Variants in BNC2 observed in about 807,000 individuals in gnomAD.
BNC2 encodes basonuclin zinc finger protein 2.
Under a neutral mutation model 76.3 loss-of-function variants are expected in BNC2, and 20 were observed. That is an observed-to-expected ratio of 0.26 (90% CI 0.18 to 0.38). The LOEUF (loss-of-function observed/expected upper bound fraction) is 0.38, where lower values mean the gene tolerates loss of function less well. Among genes scored for constraint, BNC2 ranks in the 10% least tolerant of loss-of-function variants. The pLI is 1.00. For synonymous variants in BNC2, 582 were observed against 514.8 expected, an observed-to-expected ratio of 1.13 and a Z score of -1.77; for missense variants, 1,382 against 1,399.8, an observed-to-expected ratio of 0.99 and a Z score of 0.20.
intron 1 of BNC2, among the ~76,000 whole-genome samples, chr9:16,795,863 G>T (rs970287540): frequency 6.6e-6 from 1 of 152,186 alleles, no homozygotes; most frequent in Non-Finnish European, 1.5e-5. Flanking sequence ...GAATGCCAGG[G>T]AAAGAGGATG....
At chr9:16,439,663 G>A (rs968464159) in intron 5 of BNC2, among the ~76,000 whole-genome samples, 1 of 152,134 alleles carries the variant, frequency 6.6e-6, no homozygotes, top group Non-Finnish European at 1.5e-5. Flanking sequence ...ACTGCCCTAT[G>A]GTCTGAATCA....
intron 1 of BNC2, among the ~76,000 whole-genome samples, chr9:16,841,072 A>AT (rs1818813861): frequency 6.6e-6 from 1 of 152,198 alleles, no homozygotes; most frequent in Admixed American, 6.5e-5. Flanking sequence ...AAATGACCTC[A>AT]TGGGCAATGT....
At chr9:16,530,055 T>C (rs559224497) in intron 5 of BNC2, among the ~76,000 whole-genome samples, 25 of 152,120 alleles carry the variant, frequency 1.6e-4, no homozygotes, top group Non-Finnish European at 3.4e-4. Context: ...ACTTTCATCA[T>C]GTTGGCCAGT....
chr9:16,556,638 C>T (rs1331956368), intron 4 of BNC2, among the ~76,000 whole-genome samples: 1 of 143,766 alleles, frequency 7.0e-6, no homozygotes, highest in African/African-American at 2.9e-5. Flanking sequence ...CATGATGGTG[C>T]GCGCCTGTAG....
At chr9:16,714,580 T>A (rs1429540786) in intron 3 of BNC2, among the ~76,000 whole-genome samples, 1 of 152,228 alleles carries the variant, frequency 6.6e-6, no homozygotes, top group East Asian at 1.9e-4. Context: ...TCCAGTTGAG[T>A]TCTTCTCTGA....
In BNC2 at chr9:16,437,392, C is replaced by T; in HGVS notation, c.802G>A (p.Gly268Arg). 2 of 1,611,814 alleles carry T rather than the reference C, an allele frequency of 1.2e-6. No homozygotes were observed. The highest frequency in any genetic ancestry group is 1.7e-6 in the Non-Finnish European group (2 of 1,178,184). Residue 268 changes from glycine (G) to arginine (R), a missense_variant, in exon 6 of 7, where the codon GGG (glycine) becomes AGG (arginine). Transcript: ENST00000380672. ...GAAGATGGTACAGCCACGGCCTGCCCTTCTTTCTCCTGAATTGCCATCAGC... is the reference window on the plus strand; with the variant it reads ...GAAGATGGTACAGCCACGGCCTGCCTTTCTTTCTCCTGAATTGCCATCAGC... ...VELMAIQEKE[G>R]QAVAVPSSKT...
At chr9:16,533,981 A>AT (rs145170097) in intron 5 of BNC2, among the ~76,000 whole-genome samples, 18,885 of 152,140 alleles carry the variant, frequency 0.12, 2,156 homozygotes, top group African/African-American at 0.3. Context: ...GACTTCTAAA[A>AT]TTCGTTTTTA....
chr9:16,727,653 T>C, intron 3 of BNC2, 144 bp downstream of exon 3: 1 of 708,612 alleles, frequency 1.4e-6, no homozygotes, highest in Non-Finnish European at 2.3e-6. Context: ...AGTAACACAG[T>C]TATGACAAAA....
At position 16,552,613 on chromosome 9, in the gene BNC2, C is replaced by T. The variant is rs1181349194; in HGVS notation, c.586G>A (p.Val196Ile). Residue 196 changes from valine (V) to isoleucine (I), a missense_variant, in exon 5 of 7, where the codon GTC (valine) becomes ATC (isoleucine). By Grantham distance (29) the Val-to-Ile change is conservative (BLOSUM62 3). Transcript: ENST00000380672. ...TGCAGTACCTCCTCTTGCTTCAGGA[C>T]GCTGAAGAGACGGTCCAGCAGGATC... ...LKILLDRLFS[V>I]LKQEEVLHIL... The T allele has an allele frequency of 4.3e-6, 7 of 1,614,094 alleles. No individual in the cohort carries two copies. Among genetic ancestry groups the T allele is most frequent in the South Asian group, 2.2e-5 (2 of 91,090 alleles).
At chr9:16,456,351 T>A (rs529064472) in intron 5 of BNC2, among the ~76,000 whole-genome samples, 7 of 152,114 alleles carry the variant, frequency 4.6e-5, no homozygotes, top group African/African-American at 9.6e-5. Context: ...GAGTAAGGCA[T>A]GAAGGTTACC....
intron 3 of BNC2, among the ~76,000 whole-genome samples, chr9:16,606,191 C>A (rs539482053): frequency 2.0e-5 from 3 of 152,084 alleles, no homozygotes; most frequent in Admixed American, 2.0e-4. Context: ...ATATTTAGAA[C>A]AATGACTTAA....
chr9:16,629,157 T>G (rs549025831), intron 3 of BNC2, among the ~76,000 whole-genome samples: 1 of 152,208 alleles, frequency 6.6e-6, no homozygotes, highest in African/African-American at 2.4e-5. Context: ...AGGTTTACCT[T>G]TTATGTTTAC....
intron 1 of BNC2, among the ~76,000 whole-genome samples, chr9:16,749,066 A>G (rs1825102592): frequency 2.8e-5 from 1 of 36,142 alleles, no homozygotes; most frequent in Admixed American, 3.4e-4. Context: ...GAAATTCAGT[A>G]TGTAAGCTTG....
At chr9:16,790,958 G>A (rs10810633) in intron 1 of BNC2, among the ~76,000 whole-genome samples, 104,605 of 151,904 alleles carry the variant, frequency 0.69, 38,780 homozygotes, top group Non-Finnish European at 0.85. Context: ...TGCTACATGG[G>A]TCTATCACTG....
At chr9:16,480,479 G>A (rs936777983) in intron 5 of BNC2, among the ~76,000 whole-genome samples, 1 of 152,212 alleles carries the variant, frequency 6.6e-6, no homozygotes, top group East Asian at 1.9e-4. Flanking sequence ...GGCCAGAGCC[G>A]GCTCCCTCGG....
intron 2 of BNC2, among the ~76,000 whole-genome samples, chr9:16,731,904 C>A (rs929499062): frequency 6.6e-6 from 1 of 151,866 alleles, no homozygotes; most frequent in Non-Finnish European, 1.5e-5. Flanking sequence ...TTTTTAAAAC[C>A]TTTTTGCATA....
intron 5 of BNC2, among the ~76,000 whole-genome samples, chr9:16,454,340 T>C (rs574352760): frequency 2.6e-5 from 3 of 114,256 alleles, no homozygotes; most frequent in Non-Finnish European, 4.9e-5. Flanking sequence ...TCTCACTCTG[T>C]TGCCCAGGCT....
Position 16,437,345 on chromosome 9 carries a change from C to T in BNC2, c.849G>A (p.Arg283=). ...VPSSKTDSDI[R]TFIESNNRTR... ...TGCGATTATTGCTCTCAATGAAAGTCCTTATATCTGAGTCTGTCTTTGAAG... is the reference window on the plus strand; with the variant it reads ...TGCGATTATTGCTCTCAATGAAAGTTCTTATATCTGAGTCTGTCTTTGAAG... Residue 283 remains arginine, a synonymous_variant, in exon 6 of 7, where the codon AGG becomes AGA. Transcript: ENST00000380672. 6.2e-7 allele frequency: 1 copy of T among 1,614,064 alleles called. No homozygotes were observed. Among genetic ancestry groups the T allele is most frequent in the South Asian group, 1.1e-5 (1 of 91,060 alleles).
intron 1 of BNC2, among the ~76,000 whole-genome samples, chr9:16,750,598 C>T (rs1825161468): frequency 6.6e-6 from 1 of 152,232 alleles, no homozygotes; most frequent in African/African-American, 2.4e-5. Flanking sequence ...CTCAAACAAA[C>T]TCTAGAATCT....
Sources: gnomAD v4.1 joint callset for allele counts (sites outside exome capture counted in the v4.1 genomes callset) on GRCh38, gnomAD v4.1.1 for gene constraint, MANE v1.5 for transcripts, NCBI Gene and HGNC (gene_info 2026-07-23, HGNC 2026-07-21) for gene names.